Variants in RREB1 observed in about 807,000 individuals in gnomAD.
The protein encoded by RREB1 is ras-responsive element-binding protein 1.
A neutral mutation model predicts 117.8 loss-of-function variants in RREB1; 27 were observed. The observed-to-expected ratio is 0.23, with a 90% CI of 0.17 to 0.32. The LOEUF is 0.32. Ranked by LOEUF, RREB1 falls within the 10% of genes least tolerant of loss-of-function variation. The pLI is 1.00. For missense variants in RREB1, 2,577 were observed against 2,378.2 expected, an observed-to-expected ratio of 1.08 and a Z score of -1.74; for synonymous variants, 1,298 against 1,026.7, an observed-to-expected ratio of 1.26 and a Z score of -5.05.
chr6:7,148,743 A>G (rs1048448299), intron 1 of RREB1, among the ~76,000 whole-genome samples: 2 of 152,192 alleles, frequency 1.3e-5, no homozygotes, highest in Admixed American at 1.3e-4. Context: ...TAATTTCTGA[A>G]TACTTTCCTT....
chr6:7,238,210 T>C (rs1581587108), intron 10 of RREB1, among the ~76,000 whole-genome samples: 1 of 152,220 alleles, frequency 6.6e-6, no homozygotes, highest in East Asian at 1.9e-4. Flanking sequence ...CTGTGTTCAA[T>C]TTTAAATGAA....
chr6:7,220,753 C>G (rs1349097540), intron 8 of RREB1, among the ~76,000 whole-genome samples: 1 of 152,202 alleles, frequency 6.6e-6, no homozygotes, highest in Non-Finnish European at 1.5e-5. Flanking sequence ...GCAGTTCTGC[C>G]CCATCTAAAT....
At chr6:7,141,264 C>T (rs1354278935) in intron 1 of RREB1, among the ~76,000 whole-genome samples, 1 of 152,124 alleles carries the variant, frequency 6.6e-6, no homozygotes, top group African/African-American at 2.4e-5. Context: ...TGTTCGTTCG[C>T]GCTGGCGTTC....
At chr6:7,187,649 T>C in intron 5 of RREB1, 126 bp downstream of exon 5, 1 of 390,028 alleles carries the variant, frequency 2.6e-6, no homozygotes, top group Non-Finnish European at 4.2e-6. Context: ...ACACTCACTG[T>C]GAGCAATCAG....
At chr6:7,221,883 C>T (rs1422017948) in intron 8 of RREB1, among the ~76,000 whole-genome samples, 2 of 152,208 alleles carry the variant, frequency 1.3e-5, no homozygotes, top group Non-Finnish European at 2.9e-5. Flanking sequence ...TTCACGTTAG[C>T]TAAAACGTGC....
intron 1 of RREB1, among the ~76,000 whole-genome samples, chr6:7,149,068 G>A (rs994234465): frequency 2.6e-5 from 4 of 152,034 alleles, no homozygotes; most frequent in Admixed American, 6.6e-5. Flanking sequence ...GACTAGAGGC[G>A]CGTGCTACCA....
At chr6:7,211,515 TC>T in intron 7 of RREB1, 57 bp from the exon 8 acceptor site, 2 of 1,535,306 alleles carry the variant, frequency 1.3e-6, no homozygotes, top group Non-Finnish European at 1.8e-6. Flanking sequence ...TGGCCTCTCT[TC>T]CGAAGCCATC....
rs796222284 is a variant in RREB1, at chr6:7,175,120, T to A, written c.-284-1535T>A. 6.6e-4 allele frequency among the ~76,000 whole-genome samples: 101 copies of A among 152,284 alleles called. 1 individual carries two copies. Among genetic ancestry groups the A allele is most frequent in the African/African-American group, 2.1e-3 (87 of 41,540 alleles). On this transcript the variant is annotated intron_variant, in intron 1 of 12. Transcript: ENST00000379938. Reference sequence around the variant, plus strand: ...TGAAAAAAGAATAACTGCTTTTTTTTAAGCAATATTTAATTTCACCTTAGA... The same window carrying A: ...TGAAAAAAGAATAACTGCTTTTTTTAAAGCAATATTTAATTTCACCTTAGA...
At chr6:7,150,167 T>TC (rs1174659919) in intron 1 of RREB1, among the ~76,000 whole-genome samples, 1 of 152,198 alleles carries the variant, frequency 6.6e-6, no homozygotes, top group Non-Finnish European at 1.5e-5. Flanking sequence ...GGTTGAAAAC[T>TC]CCCCAGAGTT....
chr6:7,245,665 G>T (rs564745142), intron 11 of RREB1, among the ~76,000 whole-genome samples: 1 of 152,308 alleles, frequency 6.6e-6, no homozygotes, highest in East Asian at 1.9e-4. Context: ...CAGGAAGTCA[G>T]GGTAGGTGAG....
intron 1 of RREB1, among the ~76,000 whole-genome samples, chr6:7,136,449 A>AT (rs1762352503): frequency 6.6e-6 from 1 of 152,134 alleles, no homozygotes; most frequent in Admixed American, 6.5e-5. Context: ...TTATTTATTT[A>AT]TTTTTAAATA....
intron 1 of RREB1, among the ~76,000 whole-genome samples, chr6:7,168,614 C>T (rs940203560): frequency 6.6e-6 from 1 of 152,212 alleles, no homozygotes; most frequent in Admixed American, 6.5e-5. Flanking sequence ...TCCAGAGTTA[C>T]TTGTTTGTGC....
chr6:7,132,637 C>T (rs1392335939), intron 1 of RREB1, among the ~76,000 whole-genome samples: 3 of 152,210 alleles, frequency 2.0e-5, no homozygotes, highest in Non-Finnish European at 2.9e-5. Flanking sequence ...GGGTGTCTTG[C>T]CCATAGGCAT....
At chr6:7,135,136 C>G (rs1762297490) in intron 1 of RREB1, among the ~76,000 whole-genome samples, 1 of 152,148 alleles carries the variant, frequency 6.6e-6, no homozygotes, top group Non-Finnish European at 1.5e-5. Flanking sequence ...TGAATGCAAG[C>G]CCAACCTTGA....
At position 7,186,828 on chromosome 6, in the gene RREB1, A is replaced by T. The variant is rs76943890; in HGVS notation, c.172-606A>T. Reference sequence around the variant, plus strand: ...TGGCATTCCTATCAAAGTTGTCGTGATAAGGACAGCAATTTTCTCAGTGTG... The same window carrying T: ...TGGCATTCCTATCAAAGTTGTCGTGTTAAGGACAGCAATTTTCTCAGTGTG... On this transcript the variant is annotated intron_variant, in intron 4 of 12. Coordinates refer to ENST00000379938, the MANE Select transcript of RREB1 (RefSeq NM_001003699.4). 3.0e-3 allele frequency among the ~76,000 whole-genome samples: 460 copies of T among 152,284 alleles called. 1 individual carries two copies. The highest frequency in any genetic ancestry group is 0.011 in the African/African-American group (443 of 41,558).
intron 1 of RREB1, among the ~76,000 whole-genome samples, chr6:7,125,479 T>C (rs188574973): frequency 6.6e-6 from 1 of 152,304 alleles, no homozygotes; most frequent in African/African-American, 2.4e-5. Context: ...AAACCTTTCA[T>C]GTGGGCACCA....
Position 7,231,205 on chromosome 6 carries a change from C to T in RREB1, c.3106C>T (p.Leu1036=). The T allele has an allele frequency of 6.2e-7, 1 of 1,612,216 alleles. No homozygotes were observed. The highest frequency in any genetic ancestry group is 8.5e-7 in the Non-Finnish European group (1 of 1,179,614). The change falls in exon 10 of 13, where the codon CTG becomes TTG. Residue 1036 remains leucine, a synonymous_variant. Transcript: ENST00000379938. ...SPPLVGSSAL[L]SGTALLRPLR... ...TCCACTCGTGGGCAGCTCAGCCCTC[C>T]TGAGTGGCACAGCCTTGCTGCGTCC...
intron 11 of RREB1, among the ~76,000 whole-genome samples, chr6:7,242,282 G>A (rs1768755061): frequency 1.3e-5 from 2 of 152,158 alleles, no homozygotes; most frequent in Non-Finnish European, 2.9e-5. Flanking sequence ...AAGCTGAGTC[G>A]GAATTTGTGG....
chr6:7,228,879 G>A (rs1343259625), intron 9 of RREB1, 118 bp from the exon 10 acceptor site: 1 of 892,266 alleles, frequency 1.1e-6, no homozygotes, highest in Non-Finnish European at 1.5e-6. Flanking sequence ...TTTATGTTAT[G>A]GGGAAAGGCT....
Sources: allele counts gnomAD v4.1 joint callset (sites outside exome capture counted in the v4.1 genomes callset), GRCh38; gene constraint gnomAD v4.1.1; transcripts MANE v1.5; gene names NCBI Gene and HGNC (gene_info 2026-07-23, HGNC 2026-07-21).